UBE3A: variants seen among roughly 807,000 people sequenced by gnomAD.
The protein encoded by UBE3A is ubiquitin-protein ligase E3A.
A neutral mutation model predicts 83.4 loss-of-function variants in UBE3A; 6 were observed. The ratio of observed to expected loss-of-function variants is 0.07; its 90% CI spans 0.04 to 0.14. The LOEUF is 0.14. Among genes scored for constraint, UBE3A ranks in the 10% least tolerant of loss-of-function variants. UBE3A has a pLI of 1.00. For missense variants in UBE3A, 456 were observed against 1,036.1 expected (o/e 0.44, Z 7.69); for synonymous variants, 337 against 355.4 (o/e 0.95, Z 0.58).
In UBE3A at chr15:25,371,331, C is replaced by A. The variant is rs1354391768; in HGVS notation, c.843G>T (p.Leu281=). ...TCTCCATTACGATAATGAACAAATT[C>A]AGATAATTAGGATCTCGAGAGTATA... The part of the protein sequence containing the change: ...HNVYSRDPNY[L]NLFIIVMENR... The change falls in exon 6 of 13, where the codon CTG becomes CTT. Residue 281 remains leucine, a synonymous_variant. Coordinates refer to ENST00000648336, the MANE Select transcript of UBE3A (RefSeq NM_130839.5). This position sits in a 1 kb window ranked among gnomAD's most constrained non-coding sequence, Gnocchi z 5.3. 1 of 1,613,928 alleles carries A rather than the reference C, an allele frequency of 6.2e-7. No individual in the cohort carries two copies. Among genetic ancestry groups the A allele is most frequent in the Non-Finnish European group, 8.5e-7 (1 of 1,179,992 alleles).
At chr15:25,413,086 A>G (rs1372558011) in intron 1 of UBE3A, 3 of 422,232 alleles carry the variant, frequency 7.1e-6, no homozygotes, top group Non-Finnish European at 1.4e-5. Context: ...TGGAGGAAAT[A>G]TACCAAATCT....
At chr15:25,360,850 A>C (rs2077957191) in intron 6 of UBE3A, among the ~76,000 whole-genome samples, 2 of 152,180 alleles carry the variant, frequency 1.3e-5, no homozygotes, top group Non-Finnish European at 2.9e-5. Context: ...AAAGCAGCTA[A>C]ATCATTTCAG....
chr15:25,409,238 C>T, intron 2 of UBE3A, 31 bp from the exon 3 acceptor site: 1 of 771,628 alleles, frequency 1.3e-6, no homozygotes, highest in Non-Finnish European at 2.1e-6. Flanking sequence ...TTGGTTAGAA[C>T]ACTTTAATAT....
chr15:25,364,865 T>C (rs900505095), intron 6 of UBE3A, among the ~76,000 whole-genome samples: 27 of 151,804 alleles, frequency 1.8e-4, no homozygotes, highest in South Asian at 4.2e-4. Context: ...CCAGGATGGT[T>C]TCGGTCTCCT....
intron 4 of UBE3A, among the ~76,000 whole-genome samples, chr15:25,390,014 T>C (rs1379571695): frequency 6.6e-6 from 1 of 152,106 alleles, no homozygotes; most frequent in Non-Finnish European, 1.5e-5. Flanking sequence ...TCACCAAAGA[T>C]ATACAGATGG....
At chr15:25,398,511 A>T (rs1314296924) in intron 4 of UBE3A, among the ~76,000 whole-genome samples, 1 of 151,820 alleles carries the variant, frequency 6.6e-6, no homozygotes, top group Non-Finnish European at 1.5e-5. Context: ...CTGAGTTAAG[A>T]TTCCACATTT....
chr15:25,353,203 T>C (rs1320895706), intron 11 of UBE3A, among the ~76,000 whole-genome samples: 4 of 152,040 alleles, frequency 2.6e-5, no homozygotes, highest in Non-Finnish European at 5.9e-5. Context: ...AGCACAGAGG[T>C]TGCTAAGAGT....
intron 7 of UBE3A, among the ~76,000 whole-genome samples, chr15:25,358,491 G>A (rs2077551786): frequency 1.3e-5 from 2 of 152,130 alleles, no homozygotes; most frequent in Middle Eastern, 3.4e-3. Context: ...AATTTTAATT[G>A]AATTTAAATC....
intron 7 of UBE3A, among the ~76,000 whole-genome samples, chr15:25,358,078 T>G (rs1381388692): frequency 6.6e-6 from 1 of 151,710 alleles, no homozygotes; most frequent in African/African-American, 2.4e-5. Context: ...TATCACTCAT[T>G]GGAAAATTGG....
intron 12 of UBE3A, 135 bp downstream of exon 12, chr15:25,339,950 A>G: frequency 1.6e-6 from 2 of 1,215,178 alleles, no homozygotes; most frequent in South Asian, 1.3e-5. Flanking sequence ...TATTTTCTCA[A>G]TTGTCTAATA....
At chr15:25,409,909 C>T (rs1162628857) in intron 2 of UBE3A, among the ~76,000 whole-genome samples, 4 of 151,828 alleles carry the variant, frequency 2.6e-5, no homozygotes, top group Non-Finnish European at 2.9e-5. Context: ...ACATCAGTCA[C>T]CGCATGTTCT....
At chr15:25,394,730 T>TTA (rs2085164767) in intron 4 of UBE3A, among the ~76,000 whole-genome samples, 1 of 152,132 alleles carries the variant, frequency 6.6e-6, no homozygotes, top group Non-Finnish European at 1.5e-5. Context: ...ACTTATCAGT[T>TTA]TATATATATA....
chr15:25,352,754 C>T lies in UBE3A; in HGVS notation c.2354+1599G>A, dbSNP rs372278094. On this transcript the variant is annotated intron_variant, in intron 11 of 12. Coordinates refer to ENST00000648336, the MANE Select transcript of UBE3A (RefSeq NM_130839.5). ...CTATTTAATGAATTAATATTTTCATCATATTTATATTGAGAAAATTAAGAA... is the reference window on the plus strand; with the variant it reads ...CTATTTAATGAATTAATATTTTCATTATATTTATATTGAGAAAATTAAGAA... 3.9e-5 allele frequency among the ~76,000 whole-genome samples: 6 copies of T among 152,284 alleles called. No homozygotes were observed. In the East Asian group the frequency reaches 1.2e-3, roughly 29 times the overall value.
At chr15:25,428,334 A>G (rs959341429) in intron 1 of UBE3A, among the ~76,000 whole-genome samples, 6 of 152,214 alleles carry the variant, frequency 3.9e-5, no homozygotes, top group African/African-American at 1.4e-4. Context: ...GCAAATAACA[A>G]AGAGTAACAA....
chr15:25,398,750 G>A (rs1445558258), intron 4 of UBE3A, among the ~76,000 whole-genome samples: 4 of 120,682 alleles, frequency 3.3e-5, no homozygotes, highest in African/African-American at 8.9e-5. Context: ...TCTCTTCAGC[G>A]CACTGATTTT....
chr15:25,337,061 T>G lies in UBE3A; in HGVS notation c.*2076A>C, dbSNP rs1032234295. 7.2e-5 allele frequency: 11 copies of G among 152,118 alleles called. No individual in the cohort carries two copies. Among genetic ancestry groups the G allele is most frequent in the African/African-American group, 2.7e-4 (11 of 41,440 alleles). The allele number at this position is 152,118 out of a possible 1,614,324, so 9.4% of individuals were successfully genotyped here. ...GCTATTCTGTGCAACCGACGATTTT[T>G]TTTCTCTAAAATTTTAAGGGTAGGT... On this transcript the variant is annotated 3_prime_UTR_variant, in exon 13 of 13. Coordinates refer to ENST00000648336, the MANE Select transcript of UBE3A (RefSeq NM_130839.5).
intron 11 of UBE3A, among the ~76,000 whole-genome samples, chr15:25,351,157 GAATT>G (rs1770734869): frequency 6.6e-6 from 1 of 152,156 alleles, no homozygotes; most frequent in African/African-American, 2.4e-5. Flanking sequence ...TAATGGGAAA[GAATT>G]AAGCATTATC....
At chr15:25,406,856 G>GA (rs11413336) in intron 3 of UBE3A, among the ~76,000 whole-genome samples, 75,147 of 114,644 alleles carry the variant, frequency 0.66, 23,769 homozygotes, top group Non-Finnish European at 0.75. Context: ...AATGGAAAAG[G>GA]AAAAAAAAAA....
chr15:25,350,564 T>A (rs1224575214), intron 11 of UBE3A, among the ~76,000 whole-genome samples: 1 of 152,154 alleles, frequency 6.6e-6, no homozygotes, highest in East Asian at 1.9e-4. Flanking sequence ...TTTAGTTAAA[T>A]ATGCACCTGC....
Sources: allele counts gnomAD v4.1 joint callset (sites outside exome capture counted in the v4.1 genomes callset), GRCh38; gene constraint gnomAD v4.1.1; non-coding constraint Gnocchi (gnomAD v3.1); transcripts MANE v1.5; gene names NCBI Gene and HGNC (gene_info 2026-07-23, HGNC 2026-07-21).